SLC35F4: variants seen among roughly 807,000 people sequenced by gnomAD.
SLC35F4 encodes the protein solute carrier family 35 member F4.
A neutral mutation model predicts 44.2 loss-of-function variants in SLC35F4; 24 were observed. The ratio of observed to expected loss-of-function variants is 0.54; its 90% CI spans 0.39 to 0.76. The LOEUF (loss-of-function observed/expected upper bound fraction) is 0.76, where lower values mean the gene tolerates loss of function less well. Among genes scored for constraint, SLC35F4 ranks in the 30% least tolerant of loss-of-function variants. SLC35F4 has a pLI of 0.00. For missense variants in SLC35F4, 562 were observed against 586.1 expected (o/e 0.96, Z 0.42); for synonymous variants, 238 against 223.6 (o/e 1.06, Z -0.57).
chr14:57,973,257 T>C (rs985005188), downstream of SLC35F4, among the ~76,000 whole-genome samples: 1 of 152,190 alleles, frequency 6.6e-6, no homozygotes, highest in Non-Finnish European at 1.5e-5. Flanking sequence ...TGGGTAATTA[T>C]ATGGGAATAA....
chr14:57,739,311 G>C (rs996902296), intron 1 of SLC35F4, among the ~76,000 whole-genome samples: 2 of 152,168 alleles, frequency 1.3e-5, no homozygotes, highest in African/African-American at 4.8e-5. Flanking sequence ...GGCATTCAGG[G>C]AGTAGGAGGA....
chr14:57,864,827 G>C (rs1360474931), intron 1 of SLC35F4, among the ~76,000 whole-genome samples: 3 of 152,178 alleles, frequency 2.0e-5, no homozygotes, highest in African/African-American at 7.2e-5. Context: ...CCAATTCGAA[G>C]AAAAATGAGC....
intron 1 of SLC35F4, among the ~76,000 whole-genome samples, chr14:57,917,734 G>A (rs1889358882): frequency 1.3e-5 from 2 of 152,092 alleles, no homozygotes; most frequent in South Asian, 4.1e-4. Flanking sequence ...GTACAGGTTT[G>A]TTACATAGGA....
chr14:57,841,785 T>C (rs938923999), intron 1 of SLC35F4, among the ~76,000 whole-genome samples: 5 of 152,036 alleles, frequency 3.3e-5, no homozygotes, highest in African/African-American at 1.2e-4. Context: ...GTGCAAGATA[T>C]CGCTCATGAT....
At chr14:57,838,950 A>C (rs1378878713) in intron 1 of SLC35F4, among the ~76,000 whole-genome samples, 3 of 152,222 alleles carry the variant, frequency 2.0e-5, no homozygotes, top group Non-Finnish European at 4.4e-5. Flanking sequence ...CCATATGTAC[A>C]TACACAAAAA....
At chr14:57,946,895 G>A (rs1442278462) in intron 1 of SLC35F4, among the ~76,000 whole-genome samples, 3 of 152,172 alleles carry the variant, frequency 2.0e-5, no homozygotes, top group Admixed American at 6.5e-5. Context: ...GTTGGATAAT[G>A]TGATGTGTCC....
chr14:57,839,609 G>A lies in SLC35F4; in HGVS notation c.103+26114C>T, dbSNP rs996448799. On this transcript the variant is annotated intron_variant, in intron 1 of 7. Transcript: ENST00000556826. ...ACTGGGGCCTTTTCAGGGAGGCGGG[G>A]AGAGAGGGAGAGCATCAGAAAGAAT... 2.6e-5 allele frequency among the ~76,000 whole-genome samples: 4 copies of A among 152,122 alleles called. No homozygotes were observed. In the South Asian group the frequency reaches 8.3e-4, roughly 32 times the overall value.
At chr14:57,741,312 A>C (rs2140512108) in intron 1 of SLC35F4, among the ~76,000 whole-genome samples, 1 of 152,344 alleles carries the variant, frequency 6.6e-6, no homozygotes, top group East Asian at 1.9e-4. Context: ...GGATGTTTGA[A>C]CCCATTGCAA....
At chr14:57,886,881 G>A (rs1198758367) in intron 1 of SLC35F4, among the ~76,000 whole-genome samples, 1 of 152,210 alleles carries the variant, frequency 6.6e-6, no homozygotes, top group Non-Finnish European at 1.5e-5. Flanking sequence ...GAAGTGTCGA[G>A]AAGGAAAGAG....
At position 57,589,301 on chromosome 14, in the gene SLC35F4, T is replaced by C. The variant is rs2070001875; in HGVS notation, c.502A>G (p.Asn168Asp). Residue 168 changes from asparagine to aspartate, a missense_variant, in exon 3 of 8, where the codon AAC becomes GAC. Physicochemically the swap from Asn to Asp is conservative, Grantham distance 23 (BLOSUM62 1). Transcript: ENST00000556826. ...ACTGGGAAAAACATAATGTTCCAGT[T>C]TGTTGAAAACCAAGTCATGAAAAAT... ...CPFFMTWFST[N>D]WNIMFFPVYY... 1.9e-6 allele frequency: 3 copies of C among 1,613,910 alleles called. No homozygotes were observed. The highest frequency in any genetic ancestry group is 2.7e-5 in the African/African-American group (2 of 74,952).
chr14:57,853,423 T>G (rs1886767581), intron 1 of SLC35F4, among the ~76,000 whole-genome samples: 1 of 152,204 alleles, frequency 6.6e-6, no homozygotes, highest in African/African-American at 2.4e-5. Context: ...TCAAACCAAT[T>G]GCCCTGTTTC....
chr14:57,752,023 T>C (rs367595677), intron 1 of SLC35F4, among the ~76,000 whole-genome samples: 32 of 152,014 alleles, frequency 2.1e-4, no homozygotes, highest in Middle Eastern at 3.4e-3. Context: ...GAAAGGAAAA[T>C]TGCCGATTAG....
At chr14:57,742,334 A>G (rs991589687) in intron 1 of SLC35F4, among the ~76,000 whole-genome samples, 7 of 152,226 alleles carry the variant, frequency 4.6e-5, no homozygotes, top group African/African-American at 1.7e-4. Context: ...GACACATCTC[A>G]TATGCAAAGA....
chr14:57,572,524 A>G (rs2068566276), intron 4 of SLC35F4, among the ~76,000 whole-genome samples: 1 of 151,494 alleles, frequency 6.6e-6, no homozygotes, highest in Non-Finnish European at 1.5e-5. Flanking sequence ...GGCAAACTTC[A>G]GGCCAATGGG....
At chr14:57,847,101 A>T (rs538138487) in intron 1 of SLC35F4, among the ~76,000 whole-genome samples, 29 of 152,308 alleles carry the variant, frequency 1.9e-4, no homozygotes. Context: ...CTACTATTTC[A>T]TTTTTGTTAA....
At chr14:57,600,463 T>G (rs11851484) in intron 1 of SLC35F4, among the ~76,000 whole-genome samples, 1 of 147,620 alleles carries the variant, frequency 6.8e-6, no homozygotes, top group African/African-American at 2.5e-5. Context: ...GAGGCCAAGG[T>G]GGGCGGATCA....
chr14:57,824,414 T>C (rs901287348), intron 1 of SLC35F4, among the ~76,000 whole-genome samples: 1 of 152,052 alleles, frequency 6.6e-6, no homozygotes, highest in Non-Finnish European at 1.5e-5. Flanking sequence ...AGAAGATAGA[T>C]AGATAGATAC....
intron 1 of SLC35F4, among the ~76,000 whole-genome samples, chr14:57,754,082 A>G (rs970085653): frequency 2.6e-5 from 4 of 151,130 alleles, no homozygotes; most frequent in Non-Finnish European, 5.9e-5. Flanking sequence ...GATCCTTTAC[A>G]ATGACTAACC....
At chr14:57,682,495 G>C (rs1304384348) in intron 1 of SLC35F4, among the ~76,000 whole-genome samples, 3 of 152,104 alleles carry the variant, frequency 2.0e-5, no homozygotes, top group Non-Finnish European at 4.4e-5. Flanking sequence ...TCATGGGGTA[G>C]GGGGCTAGGG....
Sources: gnomAD v4.1 joint callset for allele counts (sites outside exome capture counted in the v4.1 genomes callset) on GRCh38, gnomAD v4.1.1 for gene constraint, MANE v1.5 for transcripts, NCBI Gene and HGNC (gene_info 2026-07-23, HGNC 2026-07-21) for gene names.